KDM2A: variants seen among roughly 807,000 people sequenced by gnomAD.
KDM2A encodes the protein lysine demethylase 2A, also known as lysine-specific demethylase 2A.
KDM2A carries 3 observed loss-of-function variants against 137.3 expected under a neutral mutation model. The observed-to-expected ratio is 0.02, with a 90% confidence interval of 0.01 to 0.06. The LOEUF (loss-of-function observed/expected upper bound fraction) is 0.06, where lower values mean the gene tolerates loss of function less well. Ranked by LOEUF, KDM2A falls within the 10% of genes least tolerant of loss-of-function variation. The pLI is 1.00. For synonymous variants in KDM2A, 512 were observed against 541.5 expected, an observed-to-expected ratio of 0.95 and a Z score of 0.76; for missense variants, 738 against 1,510.6, an observed-to-expected ratio of 0.49 and a Z score of 8.48.
intron 5 of KDM2A, among the ~76,000 whole-genome samples, chr11:67,188,382 T>A (rs1718887892): frequency 6.6e-6 from 1 of 150,926 alleles, no homozygotes; most frequent in Non-Finnish European, 1.5e-5. Flanking sequence ...CTCGGGAGGC[T>A]GAGGCAGGAG....
intron 5 of KDM2A, among the ~76,000 whole-genome samples, chr11:67,198,162 C>A (rs1857526764): frequency 6.6e-6 from 1 of 152,124 alleles, no homozygotes; most frequent in Non-Finnish European, 1.5e-5. Context: ...TAAGTGAACC[C>A]ATGTAGTTCA....
intron 5 of KDM2A, chr11:67,196,220 T>C (rs1857477689): frequency 6.6e-6 from 3 of 455,802 alleles, no homozygotes; most frequent in South Asian, 4.7e-5. Context: ...GAGCAGGGGC[T>C]TGCAGCCCAT....
At chr11:67,203,464 T>C (rs10896160) in intron 5 of KDM2A, among the ~76,000 whole-genome samples, 50 of 147,102 alleles carry the variant, frequency 3.4e-4, no homozygotes, top group Admixed American at 8.9e-4. Flanking sequence ...TATTTATTAA[T>C]TATTAATAAT....
At chr11:67,220,970 C>T (rs1858327056) in intron 10 of KDM2A, among the ~76,000 whole-genome samples, 1 of 151,308 alleles carries the variant, frequency 6.6e-6, no homozygotes, top group South Asian at 2.1e-4. Context: ...AGATGCCACC[C>T]TTGAACCTTG....
intron 2 of KDM2A, among the ~76,000 whole-genome samples, chr11:67,169,557 G>A (rs1403082078): frequency 6.8e-6 from 1 of 147,942 alleles, no homozygotes; most frequent in African/African-American, 2.5e-5. Flanking sequence ...TTGTTTTTTG[G>A]TAGAGAAGGG....
chr11:67,193,882 G>A (rs1484738801), intron 5 of KDM2A, among the ~76,000 whole-genome samples: 1 of 152,032 alleles, frequency 6.6e-6, no homozygotes, highest in African/African-American at 2.4e-5. Context: ...ACATACATAC[G>A]TATTTATTGA....
At chr11:67,237,737 C>G (rs751807733) in intron 12 of KDM2A, among the ~76,000 whole-genome samples, 6 of 151,730 alleles carry the variant, frequency 4.0e-5, no homozygotes, top group Non-Finnish European at 7.4e-5. Context: ...CACTTAAGGC[C>G]AGGAGTTCAA....
chr11:67,156,259 A>G (rs1856512292), intron 2 of KDM2A, among the ~76,000 whole-genome samples: 1 of 151,284 alleles, frequency 6.6e-6, no homozygotes, highest in African/African-American at 2.4e-5. Context: ...AAAAAAAAAA[A>G]AAAATCACAA....
At chr11:67,205,312 GT>G (rs1212711356) in intron 5 of KDM2A, among the ~76,000 whole-genome samples, 1 of 151,996 alleles carries the variant, frequency 6.6e-6, no homozygotes, top group Non-Finnish European at 1.5e-5. Context: ...TGTTTTACTA[GT>G]AATATATATA....
rs1173588958 is a variant in KDM2A at position 67,181,759 on chromosome 11, G to A, written c.261-87G>A. ...TGATTGTGAATATTACTGTGTCTGG[G>A]GAGTACTCAGTACTTTAAGAAAAAA... On this transcript the variant is annotated intron_variant, in intron 4 of 20. Transcript: ENST00000529006. The A allele has an allele frequency of 3.0e-6, 3 of 997,342 alleles. No individual in the cohort carries two copies. In the African/African-American group the frequency reaches 4.8e-5, roughly 16 times the overall value. The allele number at this position is 997,342 out of a possible 1,614,324, so 61.8% of individuals were successfully genotyped here. A position where few individuals can be genotyped will look rare whatever the true frequency, so the allele number is the denominator to read the frequency against.
intron 2 of KDM2A, among the ~76,000 whole-genome samples, chr11:67,135,462 A>T (rs1231889397): frequency 6.6e-6 from 1 of 152,192 alleles, no homozygotes; most frequent in Non-Finnish European, 1.5e-5. Context: ...ATTGCCCTGT[A>T]GCTGAAGACC....
At chr11:67,216,347 C>T (rs1159961038) in intron 8 of KDM2A, among the ~76,000 whole-genome samples, 3 of 152,210 alleles carry the variant, frequency 2.0e-5, no homozygotes, top group African/African-American at 7.2e-5. Context: ...TCTAAACCAA[C>T]TTTCCCTCTA....
intron 6 of KDM2A, among the ~76,000 whole-genome samples, chr11:67,212,822 C>T (rs1359469880): frequency 6.6e-6 from 1 of 152,056 alleles, no homozygotes; most frequent in Non-Finnish European, 1.5e-5. Flanking sequence ...AACCGTTCCT[C>T]TCCCTATTCA....
chr11:67,151,136 T>C (rs1196532258), intron 2 of KDM2A, among the ~76,000 whole-genome samples: 1 of 152,154 alleles, frequency 6.6e-6, no homozygotes, highest in Non-Finnish European at 1.5e-5. Context: ...TACAGAACTG[T>C]TTCAGCATAC....
At chr11:67,227,952 C>T in intron 10 of KDM2A, 85 bp from the exon 11 acceptor site, 2 of 1,388,620 alleles carry the variant, frequency 1.4e-6, no homozygotes, top group Non-Finnish European at 2.0e-6. Context: ...AGAGTATTTC[C>T]TGGGTTAATG....
chr11:67,190,138 G>A (rs780813737), intron 5 of KDM2A, among the ~76,000 whole-genome samples: 18 of 152,164 alleles, frequency 1.2e-4, no homozygotes, highest in South Asian at 4.1e-4. Flanking sequence ...GGCCGAGCGC[G>A]GTGGCTGACA....
intron 2 of KDM2A, among the ~76,000 whole-genome samples, chr11:67,166,893 G>A (rs918470157): frequency 3.7e-4 from 57 of 152,048 alleles, no homozygotes; most frequent in African/African-American, 1.3e-3. Flanking sequence ...CCTGGCCAAC[G>A]TGGCGAGACC....
At chr11:67,197,565 A>G (rs1857512481) in intron 5 of KDM2A, among the ~76,000 whole-genome samples, 1 of 152,194 alleles carries the variant, frequency 6.6e-6, no homozygotes, top group Non-Finnish European at 1.5e-5. Context: ...GCAGTGAAAA[A>G]GCTGATCCAG....
chr11:67,141,462 C>A (rs1045555634), intron 2 of KDM2A, among the ~76,000 whole-genome samples: 3 of 151,354 alleles, frequency 2.0e-5, no homozygotes, highest in East Asian at 3.9e-4. Context: ...GTCAGAAGAT[C>A]GAGACCATCC....
Sources: allele counts gnomAD v4.1 joint callset (sites outside exome capture counted in the v4.1 genomes callset), GRCh38; gene constraint gnomAD v4.1.1; transcripts MANE v1.5; gene names NCBI Gene and HGNC (gene_info 2026-07-23, HGNC 2026-07-21).